The following HTT variants were observed in gnomAD, a reference collection of about 807,000 sequenced individuals.
HTT encodes the protein huntington disease protein.
Under a neutral mutation model 362.3 loss-of-function variants are expected in HTT, and 104 were observed. The observed-to-expected ratio is 0.29, with a 90% CI of 0.24 to 0.34. The LOEUF is 0.34. Among genes scored for constraint, HTT ranks in the 10% least tolerant of loss-of-function variants. The probability of loss-of-function intolerance (pLI) is 1.00; values close to 1 mark genes in which losing one functional copy is unlikely to be tolerated. For synonymous variants in HTT, 1,577 were observed against 1,548.7 expected, an observed-to-expected ratio of 1.02 and a Z score of -0.43; for missense variants, 3,301 against 3,928.6, an observed-to-expected ratio of 0.84 and a Z score of 4.27.
At position 3,138,621 on chromosome 4, in the gene HTT, A is replaced by T. The variant is rs528663444; in HGVS notation, c.2799-1889A>T. Among the ~76,000 whole-genome samples the T allele has an allele frequency of 1.6e-3, 245 of 151,954 alleles. 2 individuals carry two copies. The highest frequency in any genetic ancestry group is 2.9e-3 in the Admixed American group (44 of 15,252). ...AGTTGATACTTCTCTTTATTTATTT[A>T]TTTTTTTTGAGATAGGGTCTCATTC... On this transcript the variant is annotated intron_variant, in intron 21 of 66. Coordinates refer to ENST00000355072, the MANE Select transcript of HTT (RefSeq NM_001388492.1).
intron 56 of HTT, among the ~76,000 whole-genome samples, chr4:3,225,154 T>TG (rs928323754): frequency 8.5e-5 from 12 of 141,100 alleles, no homozygotes; most frequent in South Asian, 4.7e-4. Context: ...GCCTGGGGCG[T>TG]GGGGGGGTGT....
intron 29 of HTT, among the ~76,000 whole-genome samples, chr4:3,161,862 T>C (rs1390198464): frequency 1.3e-5 from 2 of 152,202 alleles, no homozygotes; most frequent in African/African-American, 4.8e-5. Context: ...TTTTATCCCA[T>C]TCTGTAGGTT....
At chr4:3,190,701 A>G (rs1718974572) in intron 40 of HTT, among the ~76,000 whole-genome samples, 2 of 152,256 alleles carry the variant, frequency 1.3e-5, no homozygotes, top group South Asian at 4.1e-4. Flanking sequence ...CTCTAGAGAA[A>G]GAAAATGACA....
At chr4:3,200,086 T>C (rs1578582373) in intron 41 of HTT, 147 bp downstream of exon 41, 1 of 661,478 alleles carries the variant, frequency 1.5e-6, no homozygotes, top group South Asian at 1.9e-5. Flanking sequence ...ATATTAATAT[T>C]CCTTTCATGG....
intron 2 of HTT, among the ~76,000 whole-genome samples, chr4:3,092,836 T>C (rs963896521): frequency 7.9e-5 from 12 of 152,200 alleles, no homozygotes; most frequent in African/African-American, 2.9e-4. Flanking sequence ...GGAAGAAATA[T>C]ATGTAACAGT....
rs80100842 is a variant in HTT at position 3,136,286 on chromosome 4, G to A, written c.2758G>A (p.Asp920Asn). Reference protein sequence around the residue: ...NVVIHLLGDEDPRVRHVAAAS... With the variant: ...NVVIHLLGDENPRVRHVAAAS... ...TGTCATCCATTTGCTTGGAGATGAA[G>A]ACCCCAGGGTGCGACATGTTGCCGC... Residue 920 changes from aspartate to asparagine, a missense_variant, in exon 21 of 67, where the codon GAC (aspartate) becomes AAC (asparagine). Asp to Asn is a conservative substitution (Grantham distance 23). Transcript: ENST00000355072. 1,085 of 1,611,710 alleles carry A rather than the reference G, an allele frequency of 6.7e-4. No individual in the cohort carries two copies. Among genetic ancestry groups the A allele is most frequent in the Non-Finnish European group, 8.9e-4 (1,050 of 1,177,996 alleles).
intron 64 of HTT, 25 bp downstream of exon 64, chr4:3,236,279 A>C: frequency 6.8e-7 from 1 of 1,480,168 alleles, no homozygotes; most frequent in Non-Finnish European, 9.5e-7. Flanking sequence ...CCCATCCCTC[A>C]GCCGTTAGCT....
chr4:3,108,888 C>A (rs1714575287), intron 6 of HTT, among the ~76,000 whole-genome samples: 1 of 151,558 alleles, frequency 6.6e-6, no homozygotes. Flanking sequence ...TCTAAAAAAA[C>A]TGAAAAAAAA....
intron 38 of HTT, 113 bp downstream of exon 38, chr4:3,186,832 A>C: frequency 2.9e-6 from 1 of 340,856 alleles, no homozygotes; most frequent in Non-Finnish European, 5.0e-6. Flanking sequence ...GCTTCTTGAG[A>C]GTTTGCTTTT....
At chr4:3,210,974 C>T (rs149570653) in intron 47 of HTT, among the ~76,000 whole-genome samples, 2,849 of 147,488 alleles carry the variant, frequency 0.019, 83 homozygotes, top group African/African-American at 0.065. Flanking sequence ...GCTATCTTGG[C>T]TCACTGCAAC....
chr4:3,109,335 T>C (rs1251322404), intron 6 of HTT, among the ~76,000 whole-genome samples: 1 of 126,082 alleles, frequency 7.9e-6, no homozygotes, highest in African/African-American at 3.3e-5. Context: ...CAAGCGATTC[T>C]CCTGCCTCAG....
chr4:3,139,462 T>A (rs925479057), intron 21 of HTT, among the ~76,000 whole-genome samples: 5 of 152,168 alleles, frequency 3.3e-5, no homozygotes, highest in Non-Finnish European at 5.9e-5. Context: ...CCTCCCAAAG[T>A]GCTGGGATTA....
intron 11 of HTT, among the ~76,000 whole-genome samples, chr4:3,126,629 T>C (rs1489317836): frequency 6.6e-6 from 1 of 152,218 alleles, no homozygotes; most frequent in African/African-American, 2.4e-5. Context: ...CCGGATACTA[T>C]AAAGCTCACA....
chr4:3,200,851 A>G (rs143132141), intron 41 of HTT, among the ~76,000 whole-genome samples: 5 of 152,328 alleles, frequency 3.3e-5, no homozygotes, highest in Non-Finnish European at 5.9e-5. Flanking sequence ...ATGACTGAGC[A>G]CTGTGGGGGC....
intron 2 of HTT, among the ~76,000 whole-genome samples, chr4:3,097,477 C>G (rs1713909819): frequency 6.6e-6 from 1 of 152,008 alleles, no homozygotes; most frequent in African/African-American, 2.4e-5. Flanking sequence ...ACTAAAAATA[C>G]AAAAATTAGT....
chr4:3,081,722 T>C (rs1712920632), intron 1 of HTT, among the ~76,000 whole-genome samples: 1 of 151,774 alleles, frequency 6.6e-6, no homozygotes, highest in South Asian at 2.1e-4. Context: ...CACACCCAGC[T>C]AATTTTGTAT....
At chr4:3,151,812 A>C (rs1046419746) in intron 26 of HTT, among the ~76,000 whole-genome samples, 1 of 152,216 alleles carries the variant, frequency 6.6e-6, no homozygotes, top group Non-Finnish European at 1.5e-5. Context: ...ATGGACACAT[A>C]ATACATGTAC....
chr4:3,089,032 A>G (rs1019544463), intron 2 of HTT, among the ~76,000 whole-genome samples: 19 of 152,212 alleles, frequency 1.2e-4, no homozygotes, highest in Admixed American at 1.2e-3. Context: ...TTTGAATTCT[A>G]TCTCTGCTAC....
rs1320352159 is a variant in HTT, at chr4:3,082,654, G to A, written c.264-4285G>A. ...GACTTACATGCACATTGGAGTTTGGGAAGCTCCACTGTAGGTGCTTAGACC... is the reference window on the plus strand; with the variant it reads ...GACTTACATGCACATTGGAGTTTGGAAAGCTCCACTGTAGGTGCTTAGACC... On this transcript the variant is annotated intron_variant, in intron 1 of 66. Coordinates refer to ENST00000355072, the MANE Select transcript of HTT (RefSeq NM_001388492.1). Among the ~76,000 whole-genome samples the A allele has an allele frequency of 2.0e-5, 3 of 152,138 alleles. No homozygotes were observed. In the East Asian group the frequency reaches 5.8e-4, roughly 29 times the overall value.
Sources: gnomAD v4.1 joint callset for allele counts (sites outside exome capture counted in the v4.1 genomes callset) on GRCh38, gnomAD v4.1.1 for gene constraint, MANE v1.5 for transcripts, NCBI Gene and HGNC (gene_info 2026-07-23, HGNC 2026-07-21) for gene names.